The following KCNS3 variants were observed in gnomAD, a reference collection of about 807,000 sequenced individuals.
KCNS3 encodes potassium voltage-gated channel modifier subfamily S member 3.
A neutral mutation model predicts 31.0 loss-of-function variants in KCNS3; 13 were observed. The observed-to-expected ratio is 0.42, with a 90% CI of 0.27 to 0.67. KCNS3 has a LOEUF of 0.67. KCNS3 is among the 30% of genes least tolerant of loss of function. The pLI, the probability that KCNS3 is intolerant of heterozygous loss-of-function variation, is 0.25. For missense variants in KCNS3, 545 were observed against 622.4 expected (o/e 0.88, Z 1.32); for synonymous variants, 238 against 241.5 (o/e 0.99, Z 0.13).
At chr2:17,907,976 C>G (rs989443733) in intron 1 of KCNS3, among the ~76,000 whole-genome samples, 5 of 152,130 alleles carry the variant, frequency 3.3e-5, no homozygotes, top group South Asian at 2.1e-4. Flanking sequence ...TTGTGGCATT[C>G]TCTGTATTTC....
intron 1 of KCNS3, among the ~76,000 whole-genome samples, chr2:17,904,865 T>C (rs909576793): frequency 6.6e-6 from 1 of 152,202 alleles, no homozygotes; most frequent in African/African-American, 2.4e-5. Flanking sequence ...TACTGTAGCC[T>C]TGTAGTATAG....
intron 1 of KCNS3, among the ~76,000 whole-genome samples, chr2:17,884,268 A>ATATATATATAT (rs1553340999): frequency 6.9e-4 from 32 of 46,640 alleles, no homozygotes; most frequent in African/African-American, 1.4e-3. Flanking sequence ...AAAAAAAAAA[A>ATATATATATAT]ATATATATAT....
chr2:17,910,760 C>G (rs887046081), intron 1 of KCNS3, among the ~76,000 whole-genome samples: 2 of 152,120 alleles, frequency 1.3e-5, no homozygotes, highest in Non-Finnish European at 2.9e-5. Flanking sequence ...CGCAGATTCT[C>G]TGTGTGGCCA....
intron 1 of KCNS3, among the ~76,000 whole-genome samples, chr2:17,909,504 G>C (rs1215584973): frequency 1.3e-5 from 2 of 152,118 alleles, no homozygotes; most frequent in Non-Finnish European, 2.9e-5. Flanking sequence ...AGATGAACCC[G>C]GTACCTCAGT....
At chr2:17,927,273 C>T (rs1389905254) in intron 2 of KCNS3, among the ~76,000 whole-genome samples, 1 of 152,162 alleles carries the variant, frequency 6.6e-6, no homozygotes, top group African/African-American at 2.4e-5. Flanking sequence ...GCATTTTGGC[C>T]AAAACCACTC....
At chr2:17,895,903 G>A in intron 1 of KCNS3, among the ~76,000 whole-genome samples, 1 of 152,164 alleles carries the variant, frequency 6.6e-6, no homozygotes, top group East Asian at 1.9e-4. Flanking sequence ...ATGGAGTAAG[G>A]CAGAGGTATG....
At position 17,932,641 on chromosome 2, in the gene KCNS3, G is replaced by A; in HGVS notation, c.*157G>A. The A allele has an allele frequency of 1.3e-6, 1 of 750,614 alleles. No homozygotes were observed. Among genetic ancestry groups the A allele is most frequent in the Non-Finnish European group, 2.1e-6 (1 of 476,654 alleles). 46.5% of individuals were successfully genotyped at this position (750,614 alleles called of 1,614,324 possible). On this transcript the variant is annotated 3_prime_UTR_variant, in exon 3 of 3. Coordinates refer to ENST00000304101, the MANE Select transcript of KCNS3 (RefSeq NM_002252.5). ...TGCTGAATTCTGAAATGATAGAATT[G>A]TCTTTATTTTTCTCTGTGAGGTCAA...
chr2:17,913,587 C>T (rs953319430), intron 1 of KCNS3, among the ~76,000 whole-genome samples: 11 of 152,350 alleles, frequency 7.2e-5, no homozygotes, highest in African/African-American at 2.6e-4. Flanking sequence ...GGTTGTATGA[C>T]ACTGTAAATG....
chr2:17,922,702 T>A (rs1389191055), intron 2 of KCNS3, among the ~76,000 whole-genome samples: 1 of 151,790 alleles, frequency 6.6e-6, no homozygotes, highest in Non-Finnish European at 1.5e-5. Flanking sequence ...CTACTTTCTG[T>A]TTCTATAGTT....
At chr2:17,879,452 T>G (rs1674589088) in intron 1 of KCNS3, 1 of 152,058 alleles carries the variant, frequency 6.6e-6, no homozygotes, top group Non-Finnish European at 1.5e-5. Flanking sequence ...GCGTGAGGCT[T>G]GCAGCGCAGG....
chr2:17,902,299 A>C (rs1662195288), intron 1 of KCNS3, among the ~76,000 whole-genome samples: 1 of 151,572 alleles, frequency 6.6e-6, no homozygotes, highest in Non-Finnish European at 1.5e-5. Context: ...AATTTCAAGA[A>C]GCTGTGTTAC....
At chr2:17,898,481 T>C (rs1558450062) in intron 1 of KCNS3, among the ~76,000 whole-genome samples, 2 of 152,190 alleles carry the variant, frequency 1.3e-5, no homozygotes, top group Non-Finnish European at 2.9e-5. Context: ...CCTGCCTGTT[T>C]CCAGGTGTGG....
chr2:17,907,421 A>G (rs566322833), intron 1 of KCNS3, among the ~76,000 whole-genome samples: 20 of 152,308 alleles, frequency 1.3e-4, no homozygotes, highest in Admixed American at 9.2e-4. Context: ...CCAATTTGCC[A>G]GTCTGTGTCT....
chr2:17,910,063 A>C (rs1287996351), intron 1 of KCNS3, among the ~76,000 whole-genome samples: 1 of 152,206 alleles, frequency 6.6e-6, no homozygotes, highest in Non-Finnish European at 1.5e-5. Flanking sequence ...AGCGTGTTTA[A>C]ACACAAAAGA....
chr2:17,906,385 A>G (rs891413061), intron 1 of KCNS3, among the ~76,000 whole-genome samples: 19 of 151,630 alleles, frequency 1.3e-4, no homozygotes, highest in Admixed American at 7.2e-4. Context: ...CGGTCTATCT[A>G]TTTTGTTGAT....
intron 2 of KCNS3, among the ~76,000 whole-genome samples, chr2:17,923,659 G>A (rs1230915396): frequency 1.3e-5 from 2 of 151,746 alleles, no homozygotes; most frequent in Non-Finnish European, 2.9e-5. Context: ...ATATAGTGTG[G>A]GATACATATC....
chr2:17,920,211 A>C (rs778936463), intron 2 of KCNS3, among the ~76,000 whole-genome samples: 1 of 152,226 alleles, frequency 6.6e-6, no homozygotes, highest in Non-Finnish European at 1.5e-5. Context: ...AAGGAAAAAC[A>C]AATCTGGGTT....
At chr2:17,882,622 G>A (rs1674667657) in intron 1 of KCNS3, among the ~76,000 whole-genome samples, 4 of 152,158 alleles carry the variant, frequency 2.6e-5, no homozygotes, top group African/African-American at 7.2e-5. Flanking sequence ...TTGGAGGCAG[G>A]GGATGGGGAG....
intron 2 of KCNS3, among the ~76,000 whole-genome samples, chr2:17,926,513 AC>A (rs1299424011): frequency 6.6e-6 from 1 of 152,160 alleles, no homozygotes; most frequent in East Asian, 1.9e-4. Flanking sequence ...GCATTTCCAT[AC>A]ATCCTCTGAA....
Sources: allele counts gnomAD v4.1 joint callset (sites outside exome capture counted in the v4.1 genomes callset), GRCh38; gene constraint gnomAD v4.1.1; transcripts MANE v1.5; gene names NCBI Gene and HGNC (gene_info 2026-07-23, HGNC 2026-07-21).